The following TTC23L variants were observed in gnomAD, a reference collection of about 807,000 sequenced individuals.
TTC23L encodes tetratricopeptide repeat domain 23 like.
TTC23L carries 42 observed loss-of-function variants against 48.1 expected under a neutral mutation model. That is an observed-to-expected ratio of 0.87 (90% confidence interval 0.68 to 1.13). The LOEUF (loss-of-function observed/expected upper bound fraction) is 1.13. Among genes scored for constraint, TTC23L ranks in the 50% most tolerant of loss-of-function variants. TTC23L has a pLI of 0.00. For missense variants in TTC23L, 391 were observed against 421.0 expected (o/e 0.93, Z 0.62); for synonymous variants, 159 against 157.2 (o/e 1.01, Z -0.09).
intron 9 of TTC23L, among the ~76,000 whole-genome samples, chr5:34,894,936 TGAC>T (rs879525862): frequency 5.9e-5 from 9 of 151,974 alleles, no homozygotes; most frequent in Admixed American, 1.3e-4. Context: ...ATGATGAAGA[TGAC>T]AATGATTGCA....
chr5:34,857,489 G>C (rs899931853), intron 4 of TTC23L, among the ~76,000 whole-genome samples: 2 of 151,986 alleles, frequency 1.3e-5, no homozygotes, highest in African/African-American at 4.8e-5. Context: ...GATAAAAACC[G>C]GGTAATCTGA....
At chr5:34,910,020 T>C in the TTC23L span, among the ~76,000 whole-genome samples, 3 of 152,140 alleles carry the variant, frequency 2.0e-5, 1 homozygote, top group South Asian at 4.2e-4. Context: ...TCTAATATAA[T>C]CTCTCTCTCT....
chr5:34,893,832 A>G (rs1763028116), intron 9 of TTC23L, among the ~76,000 whole-genome samples: 2 of 152,224 alleles, frequency 1.3e-5, no homozygotes, highest in Admixed American at 1.3e-4. Context: ...AGTTTCAATG[A>G]AAGAGAGGCC....
intron 3 of TTC23L, among the ~76,000 whole-genome samples, chr5:34,849,799 A>G (rs958514789): frequency 6.6e-6 from 1 of 152,180 alleles, no homozygotes; most frequent in South Asian, 2.1e-4. Flanking sequence ...ATCACGCTAC[A>G]TATTCATTTT....
At chr5:34,854,308 G>A (rs547591107) in intron 4 of TTC23L, among the ~76,000 whole-genome samples, 2 of 152,312 alleles carry the variant, frequency 1.3e-5, no homozygotes, top group South Asian at 4.1e-4. Context: ...GTATAGTGGA[G>A]CCTAGACTTG....
At chr5:34,880,381 A>G (rs1019268309) in intron 9 of TTC23L, 73 bp downstream of exon 9, 1 of 1,449,286 alleles carries the variant, frequency 6.9e-7, no homozygotes, top group Non-Finnish European at 9.2e-7. Flanking sequence ...TCATCTTACA[A>G]TTCAGATACT....
chr5:34,879,733 C>T lies in TTC23L; in HGVS notation c.950-448C>T, dbSNP rs566724638. Among the ~76,000 whole-genome samples, 19 of 152,212 alleles carry T rather than the reference C, an allele frequency of 1.2e-4. No homozygotes were observed. In the South Asian group the frequency reaches 2.9e-3, roughly 23 times the overall value. On this transcript the variant is annotated intron_variant, in intron 8 of 10. Transcript: ENST00000505624. Reference sequence around the variant, plus strand: ...CATTTTAGGGCTCGGTGCGGTGGCTCATGCCTGTGATCCCAGCACTTTGGG... The same window carrying T: ...CATTTTAGGGCTCGGTGCGGTGGCTTATGCCTGTGATCCCAGCACTTTGGG...
the TTC23L span, chr5:34,913,603 TTG>T: frequency 7.0e-7 from 1 of 1,422,092 alleles, no homozygotes; most frequent in African/African-American, 1.4e-5. Flanking sequence ...AAAATGAAAA[TTG>T]TTACATAAAA....
At chr5:34,868,692 T>C in intron 7 of TTC23L, 1 of 476,726 alleles carries the variant, frequency 2.1e-6, no homozygotes, top group South Asian at 2.3e-5. Context: ...ATGAGCACCG[T>C]GCCCTGTGCT....
At chr5:34,871,707 C>T (rs952163652) in intron 8 of TTC23L, among the ~76,000 whole-genome samples, 2 of 152,134 alleles carry the variant, frequency 1.3e-5, no homozygotes, top group African/African-American at 2.4e-5. Context: ...ATACTAATAA[C>T]ATATCTCTCT....
At chr5:34,918,492 T>C in the TTC23L span, 3 of 1,422,904 alleles carry the variant, frequency 2.1e-6, no homozygotes, top group Non-Finnish European at 2.9e-6. Flanking sequence ...TTATATCATA[T>C]ACTTTAGAAA....
At chr5:34,889,716 G>C (rs1762737464) in intron 9 of TTC23L, among the ~76,000 whole-genome samples, 2 of 152,134 alleles carry the variant, frequency 1.3e-5, no homozygotes, top group Non-Finnish European at 2.9e-5. Flanking sequence ...TTCTTAATCA[G>C]TAACTGTAAA....
chr5:34,893,776 C>T (rs993429600), intron 9 of TTC23L, among the ~76,000 whole-genome samples: 1 of 145,220 alleles, frequency 6.9e-6, no homozygotes, highest in Non-Finnish European at 1.5e-5. Context: ...TGAAAAAGTC[C>T]TTGAGAATTA....
the TTC23L span, among the ~76,000 whole-genome samples, chr5:34,917,501 G>A: frequency 1.3e-5 from 2 of 151,948 alleles, no homozygotes; most frequent in Non-Finnish European, 2.9e-5. Flanking sequence ...TCAGCCAGGT[G>A]CAGTGGCGGG....
chr5:34,871,089 G>A (rs1187573222), intron 8 of TTC23L, among the ~76,000 whole-genome samples: 1 of 152,102 alleles, frequency 6.6e-6, no homozygotes, highest in Non-Finnish European at 1.5e-5. Context: ...CAGAGTACTA[G>A]AAGTCCAGCA....
chr5:34,897,757 T>G (rs1763323003), intron 10 of TTC23L, among the ~76,000 whole-genome samples: 1 of 152,230 alleles, frequency 6.6e-6, no homozygotes, highest in Non-Finnish European at 1.5e-5. Context: ...GGTTTGGTTT[T>G]GTTGAAAGCA....
the TTC23L span, among the ~76,000 whole-genome samples, chr5:34,912,586 T>C: frequency 1.3e-5 from 2 of 152,210 alleles, no homozygotes; most frequent in Non-Finnish European, 2.9e-5. Context: ...AATCTCCAGG[T>C]TGCTTTCCTA....
At chr5:34,901,889 T>G (rs1763519673), downstream of TTC23L, among the ~76,000 whole-genome samples, 1 of 152,256 alleles carries the variant, frequency 6.6e-6, no homozygotes, top group Non-Finnish European at 1.5e-5. Flanking sequence ...CCCACTCTGC[T>G]GCCTCCACCA....
In TTC23L at chr5:34,880,042, C is replaced by T; in HGVS notation, c.950-139C>T. 3.0e-6 allele frequency: 3 copies of T among 1,005,720 alleles called. No individual in the cohort carries two copies. The South Asian group carries it at 5.9e-5, about 20-fold the overall frequency. The allele number at this position is 1,005,720 out of a possible 1,614,324, so 62.3% of individuals were successfully genotyped here. On this transcript the variant is annotated intron_variant, in intron 8 of 10. Coordinates refer to ENST00000505624, the Ensembl canonical transcript of TTC23L. Reference sequence around the variant, plus strand: ...CAGCAAAAAAACCACACATCTTAGACTTTTAAAGAGTCCTTATGAGACCTG... The same window carrying T: ...CAGCAAAAAAACCACACATCTTAGATTTTTAAAGAGTCCTTATGAGACCTG...
Sources: allele counts gnomAD v4.1 joint callset (sites outside exome capture counted in the v4.1 genomes callset), GRCh38; gene constraint gnomAD v4.1.1; transcripts MANE v1.5; gene names NCBI Gene and HGNC (gene_info 2026-07-23, HGNC 2026-07-21).